Variants in DPP10 observed in about 807,000 individuals in gnomAD.
The protein encoded by DPP10 is dipeptidyl peptidase like 10.
Under a neutral mutation model 120.9 loss-of-function variants are expected in DPP10, and 33 were observed. That is an observed-to-expected ratio of 0.27 (90% CI 0.21 to 0.37). The LOEUF (loss-of-function observed/expected upper bound fraction) is 0.37. Ranked by LOEUF, DPP10 falls within the 10% of genes least tolerant of loss-of-function variation. The pLI is 1.00. For missense variants in DPP10, 816 were observed against 942.8 expected (o/e 0.87, Z 1.76); for synonymous variants, 337 against 326.1 (o/e 1.03, Z -0.36).
intron 1 of DPP10, among the ~76,000 whole-genome samples, chr2:114,683,517 C>T (rs1699161217): frequency 6.7e-6 from 1 of 150,210 alleles, no homozygotes; most frequent in South Asian, 2.1e-4. Context: ...TTCCCTCTCC[C>T]TTCCCTCTCC....
intron 1 of DPP10, among the ~76,000 whole-genome samples, chr2:115,169,201 T>C (rs577297586): frequency 6.6e-6 from 1 of 152,170 alleles, no homozygotes; most frequent in Non-Finnish European, 1.5e-5. Flanking sequence ...CATTCTTTCA[T>C]CTTGAAAAGG....
intron 2 of DPP10, among the ~76,000 whole-genome samples, chr2:115,310,530 T>A (rs959228578): frequency 6.6e-6 from 1 of 151,976 alleles, no homozygotes; most frequent in African/African-American, 2.4e-5. Flanking sequence ...AGAAAGAAAT[T>A]AAGGGAGCTA....
chr2:115,291,135 C>T (rs1195378492), intron 1 of DPP10, among the ~76,000 whole-genome samples: 1 of 152,068 alleles, frequency 6.6e-6, no homozygotes, highest in Non-Finnish European at 1.5e-5. Flanking sequence ...TCCAGGGTAG[C>T]TGGGATTACA....
chr2:114,801,262 C>CAAA (rs1174819592), intron 1 of DPP10, among the ~76,000 whole-genome samples: 15 of 59,538 alleles, frequency 2.5e-4, no homozygotes, highest in African/African-American at 7.2e-4. Flanking sequence ...GACTCTGTAT[C>CAAA]AAAAAAAAAA....
At chr2:115,588,378 G>A (rs1188283848) in intron 5 of DPP10, among the ~76,000 whole-genome samples, 1 of 152,042 alleles carries the variant, frequency 6.6e-6, no homozygotes, top group Admixed American at 6.6e-5. Context: ...AAATCATTCA[G>A]TCTATTCATT....
chr2:114,475,145 G>A (rs111442126), intron 1 of DPP10, among the ~76,000 whole-genome samples: 3 of 152,240 alleles, frequency 2.0e-5, no homozygotes, highest in South Asian at 2.1e-4. Flanking sequence ...TCATCCGCAC[G>A]GCACAGTTTA....
rs151330675 is a variant in DPP10 at position 115,563,538 on chromosome 2, A to G, written c.441+37566A>G. Among the ~76,000 whole-genome samples, 316 of 152,294 alleles carry G rather than the reference A, an allele frequency of 2.1e-3. 1 individual carries two copies. Among genetic ancestry groups the G allele is most frequent in the African/African-American group, 7.1e-3 (296 of 41,574 alleles). On this transcript the variant is annotated intron_variant, in intron 5 of 25. Transcript: ENST00000410059. ...GTGGAAAATATAGTGGCTTTTAGGT[A>G]ATATAGGGATTCACATCCTGTCTCT...
At chr2:115,536,469 A>T (rs1384932546) in intron 5 of DPP10, among the ~76,000 whole-genome samples, 1 of 152,014 alleles carries the variant, frequency 6.6e-6, no homozygotes, top group Non-Finnish European at 1.5e-5. Flanking sequence ...TGCAACGAAC[A>T]CTAATAAATA....
chr2:114,484,657 A>G (rs895561076), intron 1 of DPP10, among the ~76,000 whole-genome samples: 1 of 152,120 alleles, frequency 6.6e-6, no homozygotes, highest in African/African-American at 2.4e-5. Context: ...GGAGTTTGCT[A>G]GAAATACAGC....
intron 1 of DPP10, among the ~76,000 whole-genome samples, chr2:114,581,502 T>C (rs1690525241): frequency 6.6e-6 from 1 of 152,144 alleles, no homozygotes; most frequent in Admixed American, 6.6e-5. Context: ...AACATTATTT[T>C]CTATATACAT....
chr2:115,771,195 C>T (rs1009867753), intron 13 of DPP10, among the ~76,000 whole-genome samples: 1 of 152,158 alleles, frequency 6.6e-6, no homozygotes, highest in Non-Finnish European at 1.5e-5. Flanking sequence ...CTGCCTCAGC[C>T]TCCCGAGTAG....
chr2:115,384,504 A>AGAAGAAGAAGGAAGAAGAG (rs1269535576), intron 3 of DPP10, among the ~76,000 whole-genome samples: 13 of 150,284 alleles, frequency 8.7e-5, no homozygotes, highest in Admixed American at 2.0e-4. Context: ...GAGGAAAAGA[A>AGAAGAAGAAGGAAGAAGAG]GAAGAAGAAG....
Position 115,127,310 on chromosome 2 carries a change from A to C in DPP10, c.61-181929A>C, listed in dbSNP as rs147957486. ...TGTTATAAAATAGAGAATATTATAT[A>C]AGTTCTGGATTCCTGTATTCTCTTG... On this transcript the variant is annotated intron_variant, in intron 1 of 25. Coordinates refer to ENST00000410059, the MANE Select transcript of DPP10 (RefSeq NM_020868.6). 1.8e-3 allele frequency among the ~76,000 whole-genome samples: 278 copies of C among 152,306 alleles called. 2 individuals are homozygous for C. Among genetic ancestry groups the C allele is most frequent in the African/African-American group, 6.4e-3 (264 of 41,574 alleles).
At chr2:114,749,574 T>TTTTATTTTATTTTA (rs1274898059) in intron 1 of DPP10, among the ~76,000 whole-genome samples, 2 of 147,988 alleles carry the variant, frequency 1.4e-5, no homozygotes, top group Non-Finnish European at 3.0e-5. Context: ...TTTTATTTTA[T>TTTTATTTTATTTTA]TTTATTTTAT....
chr2:115,149,951 G>C (rs1054042687), intron 1 of DPP10, among the ~76,000 whole-genome samples: 6 of 152,184 alleles, frequency 3.9e-5, no homozygotes, highest in Non-Finnish European at 7.3e-5. Flanking sequence ...AGAAGCAGGT[G>C]CAAGTGGATG....
At chr2:115,047,966 G>T (rs1451300493) in intron 1 of DPP10, among the ~76,000 whole-genome samples, 1 of 152,016 alleles carries the variant, frequency 6.6e-6, no homozygotes, top group Non-Finnish European at 1.5e-5. Context: ...CCTGAAAATT[G>T]TAATAGTTTC....
chr2:115,086,370 T>C (rs1355958764), intron 1 of DPP10, among the ~76,000 whole-genome samples: 3 of 152,062 alleles, frequency 2.0e-5, no homozygotes, highest in Admixed American at 6.5e-5. Flanking sequence ...ATGTTTAAAT[T>C]TACCCATAGC....
chr2:115,761,811 A>T (rs1219204116), intron 11 of DPP10, among the ~76,000 whole-genome samples: 1 of 152,110 alleles, frequency 6.6e-6, no homozygotes, highest in African/African-American at 2.4e-5. Context: ...ACAATTTGAG[A>T]TGGGTACCTC....
At chr2:114,476,418 A>C (rs1680374761) in intron 1 of DPP10, among the ~76,000 whole-genome samples, 1 of 152,170 alleles carries the variant, frequency 6.6e-6, no homozygotes, top group African/African-American at 2.4e-5. Flanking sequence ...CTTTTGATCC[A>C]TTTTCTCTCT....
Sources: allele counts gnomAD v4.1 joint callset (sites outside exome capture counted in the v4.1 genomes callset), GRCh38; gene constraint gnomAD v4.1.1; transcripts MANE v1.5; gene names NCBI Gene and HGNC (gene_info 2026-07-23, HGNC 2026-07-21).